SLC35F3: variants seen among roughly 807,000 people sequenced by gnomAD.
SLC35F3 encodes the protein solute carrier family 35 member F3.
A neutral mutation model predicts 49.9 loss-of-function variants in SLC35F3; 25 were observed. The observed-to-expected ratio is 0.50, with a 90% CI of 0.37 to 0.70. SLC35F3 has a LOEUF of 0.70. SLC35F3 is among the 30% of genes least tolerant of loss of function. The pLI is 0.00. For synonymous variants in SLC35F3, 275 were observed against 265.4 expected (o/e 1.04, Z -0.35); for missense variants, 525 against 639.8 (o/e 0.82, Z 1.94).
At chr1:234,028,375 T>A (rs1322474039) in intron 2 of SLC35F3, among the ~76,000 whole-genome samples, 1 of 152,194 alleles carries the variant, frequency 6.6e-6, no homozygotes, top group Non-Finnish European at 1.5e-5. Flanking sequence ...CCTGTGAGGT[T>A]AAAAGAGTTT....
At chr1:234,058,170 AT>A (rs981554530) in intron 2 of SLC35F3, among the ~76,000 whole-genome samples, 4 of 150,078 alleles carry the variant, frequency 2.7e-5, no homozygotes, top group Middle Eastern at 6.8e-3. Flanking sequence ...CATATTGTCA[AT>A]TTTTTTTGGT....
chr1:234,081,297 T>A (rs1038952196), intron 2 of SLC35F3, among the ~76,000 whole-genome samples: 2 of 152,260 alleles, frequency 1.3e-5, no homozygotes, highest in African/African-American at 4.8e-5. Flanking sequence ...GGAGGTTAGA[T>A]CCTCACGCAA....
intron 2 of SLC35F3, among the ~76,000 whole-genome samples, chr1:234,218,601 C>T (rs1667157511): frequency 1.3e-5 from 2 of 152,158 alleles, no homozygotes; most frequent in South Asian, 4.2e-4. Context: ...GAAACTGAGG[C>T]TCAGAAAACT....
chr1:234,236,734 G>A (rs760515662), intron 3 of SLC35F3, among the ~76,000 whole-genome samples: 1 of 151,826 alleles, frequency 6.6e-6, no homozygotes, highest in Non-Finnish European at 1.5e-5. Flanking sequence ...GATCAGATTG[G>A]ATCTTTCAAA....
chr1:234,249,789 G>A (rs1459187637), intron 3 of SLC35F3, among the ~76,000 whole-genome samples: 1 of 152,232 alleles, frequency 6.6e-6, no homozygotes, highest in Non-Finnish European at 1.5e-5. Context: ...GGTATCTGGG[G>A]CATAATAACT....
chr1:234,314,084 G>A (rs1007692801), intron 4 of SLC35F3, among the ~76,000 whole-genome samples: 2 of 152,206 alleles, frequency 1.3e-5, no homozygotes, highest in Admixed American at 1.3e-4. Context: ...CCACAGCCAG[G>A]GATGTCAACA....
intron 2 of SLC35F3, among the ~76,000 whole-genome samples, chr1:234,210,112 A>C (rs542926907): frequency 1.3e-5 from 2 of 152,214 alleles, no homozygotes; most frequent in East Asian, 3.9e-4. Context: ...CGATGGTTCT[A>C]TAATGGAGAG....
At chr1:233,992,360 C>T (rs918527741) in intron 2 of SLC35F3, among the ~76,000 whole-genome samples, 3 of 152,170 alleles carry the variant, frequency 2.0e-5, no homozygotes, top group South Asian at 2.1e-4. Flanking sequence ...ATCTTGCAGG[C>T]AGGGAAGTTC....
intron 2 of SLC35F3, among the ~76,000 whole-genome samples, chr1:233,956,305 T>A (rs1482062002): frequency 2.0e-5 from 3 of 151,886 alleles, no homozygotes; most frequent in Admixed American, 6.6e-5. Context: ...GGGCCAGATC[T>A]TCCTGCACCC....
At chr1:234,050,072 A>C (rs1664351990) in intron 2 of SLC35F3, among the ~76,000 whole-genome samples, 1 of 152,210 alleles carries the variant, frequency 6.6e-6, no homozygotes, top group African/African-American at 2.4e-5. Context: ...AGTCTTTGCT[A>C]TTGTGAGTAG....
chr1:233,999,639 C>G (rs1441681326), intron 2 of SLC35F3, among the ~76,000 whole-genome samples: 1 of 152,080 alleles, frequency 6.6e-6, no homozygotes, highest in Admixed American at 6.6e-5. Context: ...CCCTGCTCTC[C>G]TGCCTACTGA....
intron 2 of SLC35F3, among the ~76,000 whole-genome samples, chr1:234,060,499 T>G (rs1255102778): frequency 1.3e-5 from 2 of 152,210 alleles, no homozygotes; most frequent in Non-Finnish European, 1.5e-5. Flanking sequence ...CAGGTTGAAG[T>G]GCAGTAGCAC....
intron 2 of SLC35F3, among the ~76,000 whole-genome samples, chr1:234,163,710 A>T (rs1035740492): frequency 1.3e-5 from 2 of 152,216 alleles, no homozygotes; most frequent in Non-Finnish European, 2.9e-5. Context: ...TTCAGTGCCC[A>T]TCAAACAGCC....
chr1:234,169,575 G>C (rs1195079299), intron 2 of SLC35F3, among the ~76,000 whole-genome samples: 1 of 141,576 alleles, frequency 7.1e-6, no homozygotes, highest in Non-Finnish European at 1.5e-5. Flanking sequence ...GGGACATACT[G>C]CCTGTCAGGG....
Position 234,186,321 on chromosome 1 carries a change from A to G in SLC35F3, c.284-45096A>G, listed in dbSNP as rs116969841. 3.9e-5 allele frequency among the ~76,000 whole-genome samples: 6 copies of G among 152,358 alleles called. No individual in the cohort carries two copies. The East Asian group carries it at 1.2e-3, about 29-fold the overall frequency. On this transcript the variant is annotated intron_variant, in intron 2 of 7. Transcript: ENST00000366618. The stretch of plus-strand genomic sequence containing the variant: ...CTCCTGGCTTTGGCTGTCAAGACCA[A>G]GTGAACTTTAACAACTGACCAGTAT...
chr1:234,272,103 G>A (rs1668117105), intron 3 of SLC35F3, among the ~76,000 whole-genome samples: 1 of 152,156 alleles, frequency 6.6e-6, no homozygotes, highest in Admixed American at 6.5e-5. Context: ...TCCAGCCTGG[G>A]CAACAGAGCG....
At chr1:234,082,232 C>T (rs1259383734) in intron 2 of SLC35F3, among the ~76,000 whole-genome samples, 1 of 152,134 alleles carries the variant, frequency 6.6e-6, no homozygotes, top group Non-Finnish European at 1.5e-5. Flanking sequence ...GTTATCTCCT[C>T]TGTTTCCTCT....
At chr1:234,278,904 A>G (rs1178934709) in intron 3 of SLC35F3, among the ~76,000 whole-genome samples, 1 of 152,152 alleles carries the variant, frequency 6.6e-6, no homozygotes, top group Non-Finnish European at 1.5e-5. Flanking sequence ...TTAGGATTCA[A>G]CATATGAATT....
intron 3 of SLC35F3, among the ~76,000 whole-genome samples, chr1:234,274,827 C>T (rs1401634043): frequency 6.6e-6 from 1 of 152,196 alleles, no homozygotes; most frequent in Admixed American, 6.5e-5. Context: ...TTCAAGGACT[C>T]TATTTCTGTC....
Sources: gnomAD v4.1 joint callset for allele counts (sites outside exome capture counted in the v4.1 genomes callset) on GRCh38, gnomAD v4.1.1 for gene constraint, MANE v1.5 for transcripts, NCBI Gene and HGNC (gene_info 2026-07-23, HGNC 2026-07-21) for gene names.